The following HERC1 variants were observed in gnomAD, a reference collection of about 807,000 sequenced individuals.
HERC1 encodes the protein HECT and RLD domain containing E3 ubiquitin protein ligase family member 1, also known as probable E3 ubiquitin-protein ligase HERC1.
A neutral mutation model predicts 554.3 loss-of-function variants in HERC1; 160 were observed. The observed-to-expected ratio is 0.29, with a 90% CI of 0.25 to 0.33. The LOEUF is 0.33. HERC1 is among the 10% of genes least tolerant of loss of function. The pLI is 1.00. For missense variants in HERC1, 4,919 were observed against 5,918.5 expected (o/e 0.83, Z 5.54); for synonymous variants, 2,175 against 2,131.7 (o/e 1.02, Z -0.56).
At chr15:63,628,577 A>T in intron 70 of HERC1, 100 bp downstream of exon 70, 1 of 1,258,740 alleles carries the variant, frequency 7.9e-7, no homozygotes, top group Non-Finnish European at 1.1e-6. Flanking sequence ...TGATGGTTTC[A>T]CAACGATGCT....
intron 2 of HERC1, among the ~76,000 whole-genome samples, chr15:63,765,784 C>T (rs1470180359): frequency 6.6e-6 from 1 of 152,106 alleles, no homozygotes; most frequent in Non-Finnish European, 1.5e-5. Flanking sequence ...AAGCTGTACC[C>T]CAACTGCCTT....
intron 1 of HERC1, among the ~76,000 whole-genome samples, chr15:63,818,403 G>A (rs114223896): frequency 0.02 from 3,070 of 152,198 alleles, 99 homozygotes; most frequent in African/African-American, 0.071. Flanking sequence ...GAGCCAAACC[G>A]ACAGATGGCA....
At chr15:63,750,039 G>C (rs1051416387) in intron 8 of HERC1, among the ~76,000 whole-genome samples, 1 of 152,196 alleles carries the variant, frequency 6.6e-6, no homozygotes, top group African/African-American at 2.4e-5. Context: ...AAACAGAAAG[G>C]TCTTCTGAGA....
At chr15:63,791,787 A>T (rs1327756462) in intron 1 of HERC1, among the ~76,000 whole-genome samples, 1 of 152,196 alleles carries the variant, frequency 6.6e-6, no homozygotes, top group Non-Finnish European at 1.5e-5. Context: ...TTTTTTCCTT[A>T]CTAAGAATAA....
At chr15:63,618,726 G>T (rs949190489) in intron 74 of HERC1, among the ~76,000 whole-genome samples, 2 of 152,146 alleles carry the variant, frequency 1.3e-5, no homozygotes, top group African/African-American at 4.8e-5. Context: ...CACATCCCTT[G>T]TAAGTTGGAT....
At chr15:63,777,752 C>T (rs894324038) in intron 1 of HERC1, among the ~76,000 whole-genome samples, 2 of 152,042 alleles carry the variant, frequency 1.3e-5, no homozygotes, top group African/African-American at 2.4e-5. Context: ...TATCCCTGCC[C>T]GACTCTCACA....
intron 57 of HERC1, among the ~76,000 whole-genome samples, chr15:63,644,495 CTT>C (rs1566967151): frequency 6.6e-6 from 1 of 151,328 alleles, no homozygotes; most frequent in Non-Finnish European, 1.5e-5. Flanking sequence ...ATGTAAGCTT[CTT>C]TGTTTTTTTT....
chr15:63,780,721 C>CA lies in HERC1; in HGVS notation c.-26-5073dup, dbSNP rs987167468. ...TGGGCAACACAATGAGACTCCGTTT[C>CA]AAAAAAAAAAAGGTAAAACAGAGAC... On this transcript the variant is annotated intron_variant, in intron 1 of 77. Coordinates refer to ENST00000443617, the MANE Select transcript of HERC1 (RefSeq NM_003922.4). Among the ~76,000 whole-genome samples, 670 of 134,940 alleles carry CA rather than the reference C, an allele frequency of 5.0e-3. 8 individuals are homozygous for CA. Among genetic ancestry groups the CA allele is most frequent in the African/African-American group, 0.016 (575 of 36,610 alleles). The allele number at this position is 134,940 out of a possible 152,430, so 88.5% of individuals were successfully genotyped here. A position where few individuals can be genotyped will look rare whatever the true frequency, so the allele number is the denominator to read the frequency against.
chr15:63,637,547 A>C lies in HERC1; in HGVS notation c.12190T>G (p.Ser4064Ala). ...GSYGRLGQGN[S>A]DDLHVLTVIS... ...ACTGTCAGCACATGAAGGTCATCTG[A>C]ATTTCCTTGTCCTAATCTGCCATAA... The change falls in exon 64 of 78, where the codon TCA becomes GCA. Residue 4064 changes from serine to alanine, a missense_variant. Physicochemically the swap from Ser to Ala is moderately conservative, Grantham distance 99. This residue lies in a region of HERC1 where 122 missense variants were observed against 195.2 expected (regional missense o/e 0.63). Coordinates refer to ENST00000443617, the MANE Select transcript of HERC1 (RefSeq NM_003922.4). 6.4e-7 allele frequency: 1 copy of C among 1,565,362 alleles called. No individual in the cohort carries two copies. Among genetic ancestry groups the C allele is most frequent in the Non-Finnish European group, 8.7e-7 (1 of 1,153,350 alleles).
intron 2 of HERC1, among the ~76,000 whole-genome samples, chr15:63,774,018 C>A (rs1567111990): frequency 6.6e-6 from 1 of 152,164 alleles, no homozygotes; most frequent in South Asian, 2.1e-4. Flanking sequence ...ACGCTCTTCA[C>A]AGATCTTTCC....
intron 1 of HERC1, among the ~76,000 whole-genome samples, chr15:63,789,151 T>C (rs62020792): frequency 0.81 from 102,682 of 126,582 alleles, 42,583 homozygotes; most frequent in Non-Finnish European, 0.87. Context: ...AGTGCAGTGG[T>C]GCAATCTCGG....
intron 1 of HERC1, among the ~76,000 whole-genome samples, chr15:63,814,701 T>C (rs1435597546): frequency 6.6e-6 from 1 of 152,214 alleles, no homozygotes; most frequent in East Asian, 1.9e-4. Context: ...ACTCCTGGCC[T>C]CAAGTTATCT....
rs1487998793 is a variant in HERC1, at chr15:63,645,645, T to C, written c.10916A>G (p.His3639Arg). The change falls in exon 56 of 78, where the codon CAT becomes CGT. Residue 3639 changes from histidine to arginine, a missense_variant. His to Arg is a conservative substitution (Grantham distance 29, BLOSUM62 0). Transcript: ENST00000443617. ...LISMKWDPTG[H>R]ILMTCAKEDS... ...TTCTTTGGCACATGTCATAAGAATATGACCTGTAGGGTCCCACTTCATGCT... is the reference window on the plus strand; with the variant it reads ...TTCTTTGGCACATGTCATAAGAATACGACCTGTAGGGTCCCACTTCATGCT... The C allele has an allele frequency of 6.2e-7, 1 of 1,607,590 alleles. No homozygotes were observed. Among genetic ancestry groups the C allele is most frequent in the Admixed American group, 1.7e-5 (1 of 58,624 alleles).
chr15:63,629,304 G>A (rs138474828), intron 69 of HERC1, among the ~76,000 whole-genome samples: 1 of 152,192 alleles, frequency 6.6e-6, no homozygotes, highest in African/African-American at 2.4e-5. Flanking sequence ...TCACAGCTCC[G>A]ACTGCTAAAA....
At chr15:63,664,365 G>A (rs2070508564) in intron 43 of HERC1, 105 bp downstream of exon 43, 6 of 954,012 alleles carry the variant, frequency 6.3e-6, no homozygotes, top group Non-Finnish European at 9.5e-6. Context: ...AATGTGGAGG[G>A]ACTGAGCACT....
Position 63,648,138 on chromosome 15 carries a change from A to G in HERC1, c.10809T>C (p.Asp3603=), listed in dbSNP as rs908268034. The part of the protein sequence containing the change: ...EDRPFAVGYF[D]GKLLLGTKEP... ...CCTTTGTTCCCAGTAACAGTTTTCC[A>G]TCAAAATATCCCACTGCAAATGGTC... The change falls in exon 55 of 78, where the codon GAT becomes GAC. Residue 3603 remains aspartate (D), a synonymous_variant. Transcript: ENST00000443617. 3.1e-6 allele frequency: 5 copies of G among 1,590,860 alleles called. No homozygotes were observed. The highest frequency in any genetic ancestry group is 4.3e-6 in the Non-Finnish European group (5 of 1,167,100).
At chr15:63,810,627 C>CT (rs1358582608) in intron 1 of HERC1, among the ~76,000 whole-genome samples, 1 of 151,692 alleles carries the variant, frequency 6.6e-6, no homozygotes, top group Non-Finnish European at 1.5e-5. Flanking sequence ...TATATTGCTT[C>CT]TTTTTTTTAA....
intron 1 of HERC1, among the ~76,000 whole-genome samples, chr15:63,830,978 C>T (rs1056305326): frequency 6.6e-6 from 1 of 152,194 alleles, no homozygotes; most frequent in Non-Finnish European, 1.5e-5. Context: ...GCTTTGCAAA[C>T]TTCTCTGTAA....
At chr15:63,804,199 G>C (rs1269864235) in intron 1 of HERC1, among the ~76,000 whole-genome samples, 1 of 152,164 alleles carries the variant, frequency 6.6e-6, no homozygotes, top group African/African-American at 2.4e-5. Flanking sequence ...AAACATAGGA[G>C]AAAATCTTAG....
Sources: gnomAD v4.1 joint callset for allele counts (sites outside exome capture counted in the v4.1 genomes callset) on GRCh38, gnomAD v4.1.1 for gene constraint, gnomAD v4.1.1 regional missense constraint, MANE v1.5 for transcripts, NCBI Gene and HGNC (gene_info 2026-07-23, HGNC 2026-07-21) for gene names.